The following GDPD4 variants were observed in gnomAD, a reference collection of about 807,000 sequenced individuals.
The protein encoded by GDPD4 is glycerophosphodiester phosphodiesterase 6.
GDPD4 carries 60 observed loss-of-function variants against 67.8 expected under a neutral mutation model. The ratio of observed to expected loss-of-function variants is 0.88; its 90% CI spans 0.72 to 1.10. The LOEUF is 1.10. Among genes scored for constraint, GDPD4 ranks in the 50% least tolerant of loss-of-function variants. The pLI, the probability that GDPD4 is intolerant of heterozygous loss-of-function variation, is 0.00. For synonymous variants in GDPD4, 212 were observed against 210.9 expected (o/e 1.00, Z -0.04); for missense variants, 623 against 613.9 (o/e 1.01, Z -0.16).
rs112309843 is a variant in GDPD4 at position 77,253,254 on chromosome 11, A to G, written c.864+5132T>C. Among the ~76,000 whole-genome samples, 509 of 152,248 alleles carry G rather than the reference A, an allele frequency of 3.3e-3. 1 individual carries two copies. The highest frequency in any genetic ancestry group is 0.011 in the African/African-American group (475 of 41,558). Reference sequence around the variant, plus strand: ...GAGGTTTGAGCCTAGGGCACAGGGTATGGCTATAATTTGGGAGCTTGAGCC... The same window carrying G: ...GAGGTTTGAGCCTAGGGCACAGGGTGTGGCTATAATTTGGGAGCTTGAGCC... On this transcript the variant is annotated intron_variant, in intron 11 of 16. Coordinates refer to ENST00000315938, the MANE Select transcript of GDPD4 (RefSeq NM_182833.3).
At chr11:77,233,725 G>A (rs541543127) in intron 13 of GDPD4, among the ~76,000 whole-genome samples, 2 of 152,190 alleles carry the variant, frequency 1.3e-5, no homozygotes, top group South Asian at 4.2e-4. Flanking sequence ...TTGACTCTAA[G>A]CAAACTAAAA....
chr11:77,277,391 C>CTTTTTTTTTTTTTTTTTTTTTTTTT lies in GDPD4; in HGVS notation c.148-1196_148-1172dup, dbSNP rs71043564. On this transcript the variant is annotated intron_variant, in intron 4 of 16. Coordinates refer to ENST00000315938, the MANE Select transcript of GDPD4 (RefSeq NM_182833.3). ...ACAAACCTCTTTTCAGCCATGTTTC[C>CTTTTTTTTTTTTTTTTTTTTTTTTT]TTTTTTTTTTTTTTTTTTTTTTTTT... 3.4e-5 allele frequency among the ~76,000 whole-genome samples: 2 copies of CTTTTTTTTTTTTTTTTTTTTTTTTT among 58,328 alleles called. 1 individual carries two copies. The highest frequency in any genetic ancestry group is 1.2e-4 in the African/African-American group (2 of 16,192). 38.3% of individuals were successfully genotyped at this position (58,328 alleles called of 152,430 possible).
Position 77,233,009 on chromosome 11 carries a change from T to G in GDPD4, c.1389+16A>C, listed in dbSNP as rs780562903. ...TCATACCAAGCCTGGAAGAACAATC[T>G]GGACAACCAGCTCACCATGAAGAAG... On this transcript the variant is annotated intron_variant, in intron 14 of 16. Coordinates refer to ENST00000315938, the MANE Select transcript of GDPD4 (RefSeq NM_182833.3). 1.9e-6 allele frequency: 3 copies of G among 1,613,180 alleles called. No individual in the cohort carries two copies. The highest frequency in any genetic ancestry group is 1.1e-5 in the South Asian group (1 of 91,052).
intron 11 of GDPD4, among the ~76,000 whole-genome samples, chr11:77,249,989 T>C (rs1360167677): frequency 2.0e-5 from 3 of 152,216 alleles, no homozygotes; most frequent in Admixed American, 6.5e-5. Context: ...TTTTAAAAAG[T>C]ATAACATCTT....
intron 1 of GDPD4, among the ~76,000 whole-genome samples, chr11:77,292,509 A>G (rs1937813249): frequency 6.6e-6 from 1 of 152,214 alleles, no homozygotes; most frequent in Admixed American, 6.5e-5. Context: ...AAGAACAAAG[A>G]TCTCAAAATC....
At chr11:77,287,846 C>T (rs1224303036) in intron 1 of GDPD4, among the ~76,000 whole-genome samples, 1 of 152,190 alleles carries the variant, frequency 6.6e-6, no homozygotes, top group Non-Finnish European at 1.5e-5. Flanking sequence ...ACACAGCTGG[C>T]TGCTCCTTCC....
intron 13 of GDPD4, among the ~76,000 whole-genome samples, chr11:77,235,138 T>C (rs1958537057): frequency 6.6e-6 from 1 of 151,152 alleles, no homozygotes; most frequent in Non-Finnish European, 1.5e-5. Context: ...GATGTTTTCA[T>C]ATGTTTGTTA....
chr11:77,267,220 A>C (rs1400689937), intron 10 of GDPD4, among the ~76,000 whole-genome samples: 1 of 152,244 alleles, frequency 6.6e-6, no homozygotes, highest in African/African-American at 2.4e-5. Flanking sequence ...CCGAAGAGTA[A>C]CAGGTCATAC....
chr11:77,223,537 A>G (rs1958267902), intron 16 of GDPD4, among the ~76,000 whole-genome samples: 1 of 152,084 alleles, frequency 6.6e-6, no homozygotes, highest in Non-Finnish European at 1.5e-5. Context: ...AGAACAGCAA[A>G]TATTGCTGCC....
Position 77,217,186 on chromosome 11 carries a change from C to G in GDPD4, c.*91G>C. 3 of 973,974 alleles carry G rather than the reference C, an allele frequency of 3.1e-6. No individual in the cohort carries two copies. Among genetic ancestry groups the G allele is most frequent in the Non-Finnish European group, 3.4e-6 (2 of 595,248 alleles). 60.3% of individuals were successfully genotyped at this position (973,974 alleles called of 1,614,324 possible). The stretch of plus-strand genomic sequence containing the variant: ...AATGGCCTTGGTGTTCCTTTCCACT[C>G]TTGGGTAGAGCCGGGTAGAGGGCTG... On this transcript the variant is annotated 3_prime_UTR_variant, in exon 17 of 17. Coordinates refer to ENST00000315938, the MANE Select transcript of GDPD4 (RefSeq NM_182833.3).
intron 10 of GDPD4, among the ~76,000 whole-genome samples, chr11:77,261,832 CA>C (rs1472310520): frequency 6.6e-6 from 1 of 152,194 alleles, no homozygotes; most frequent in Non-Finnish European, 1.5e-5. Flanking sequence ...CAGAAACCTA[CA>C]CCCAAATTGT....
Position 77,243,780 on chromosome 11 carries a change from G to C in GDPD4, c.1155C>G (p.Gly385=), listed in dbSNP as rs746030370. ...CAAGGGTTTCAATGGATACTAAACGGCCCACATGCTGAAAACCAGGAGCCA... is the reference window on the plus strand; with the variant it reads ...CAAGGGTTTCAATGGATACTAAACGCCCCACATGCTGAAAACCAGGAGCCA... The part of the protein sequence containing the change: ...RSVAPGFQHV[G]RLVSIETLAK... The change falls in exon 13 of 17, where the codon GGC becomes GGG. Residue 385 remains glycine, a synonymous_variant. Coordinates refer to ENST00000315938, the MANE Select transcript of GDPD4 (RefSeq NM_182833.3). The C allele has an allele frequency of 1.2e-6, 2 of 1,612,696 alleles. No homozygotes were observed. The highest frequency in any genetic ancestry group is 4.5e-5 in the East Asian group (2 of 44,880).
Position 77,243,727 on chromosome 11 carries a change from A to G in GDPD4, c.1208T>C (p.Val403Ala), listed in dbSNP as rs775303267. 124 of 1,609,670 alleles carry G rather than the reference A, an allele frequency of 7.7e-5. No individual in the cohort carries two copies. Among genetic ancestry groups the G allele is most frequent in the Non-Finnish European group, 9.3e-5 (110 of 1,177,290 alleles). The change falls in exon 13 of 17, where the codon GTT becomes GCT. Residue 403 changes from valine to alanine, a missense_variant. Coordinates refer to ENST00000315938, the MANE Select transcript of GDPD4 (RefSeq NM_182833.3). The stretch of plus-strand genomic sequence containing the variant: ...ATTAGGGAACAACTTCTTGTAGTCA[A>G]CATTTATTATACTGATATTGTTTTT... ...LAKNNISIIN[V>A]DYKKLFPNGL... is the part of the protein sequence containing the mutation.
intron 8 of GDPD4, among the ~76,000 whole-genome samples, chr11:77,269,483 G>A (rs1959195610): frequency 6.6e-6 from 1 of 152,100 alleles, no homozygotes; most frequent in Admixed American, 6.5e-5. Context: ...ACAGTATAGT[G>A]GAAAGGGCAC....
At chr11:77,235,935 G>A (rs1194778201) in intron 13 of GDPD4, among the ~76,000 whole-genome samples, 1 of 142,324 alleles carries the variant, frequency 7.0e-6, no homozygotes, top group Non-Finnish European at 1.5e-5. Context: ...CAGGCTGGGG[G>A]ACAGAGCGAG....
At chr11:77,235,455 G>C (rs1285197739) in intron 13 of GDPD4, among the ~76,000 whole-genome samples, 1 of 152,174 alleles carries the variant, frequency 6.6e-6, no homozygotes, top group African/African-American at 2.4e-5. Context: ...AAGCAAGCTA[G>C]TGTGGTATTA....
At chr11:77,238,116 T>C (rs1340289873) in intron 13 of GDPD4, among the ~76,000 whole-genome samples, 1 of 152,080 alleles carries the variant, frequency 6.6e-6, no homozygotes. Context: ...AGGAAAAAGA[T>C]AACAAAGCCA....
At chr11:77,291,136 C>A (rs956052066) in intron 1 of GDPD4, among the ~76,000 whole-genome samples, 1 of 152,060 alleles carries the variant, frequency 6.6e-6, no homozygotes, top group African/African-American at 2.4e-5. Context: ...CATTAATGGA[C>A]AAATGGATAA....
chr11:77,288,123 T>C (rs1960068721), intron 1 of GDPD4, among the ~76,000 whole-genome samples: 1 of 152,030 alleles, frequency 6.6e-6, no homozygotes, highest in African/African-American at 2.4e-5. Context: ...CACCAATGCC[T>C]ACCCACACAT....
Sources: allele counts gnomAD v4.1 joint callset (sites outside exome capture counted in the v4.1 genomes callset), GRCh38; gene constraint gnomAD v4.1.1; transcripts MANE v1.5; gene names NCBI Gene and HGNC (gene_info 2026-07-23, HGNC 2026-07-21).